The following LPP variants were observed in gnomAD, a reference collection of about 807,000 sequenced individuals.
The protein encoded by LPP is LIM domain containing preferred translocation partner in lipoma.
In LPP, 38 loss-of-function variants were observed where a neutral mutation model predicts 60.4. The ratio of observed to expected loss-of-function variants is 0.63; its 90% CI spans 0.49 to 0.83. The LOEUF (loss-of-function observed/expected upper bound fraction) is 0.83. LPP is among the 40% of genes least tolerant of loss of function. The pLI, the probability that LPP is intolerant of heterozygous loss-of-function variation, is 0.00. For synonymous variants in LPP, 328 were observed against 290.8 expected (o/e 1.13, Z -1.30); for missense variants, 902 against 783.6 (o/e 1.15, Z -1.80).
intron 4 of LPP, among the ~76,000 whole-genome samples, chr3:188,451,903 G>C (rs553941429): frequency 3.8e-4 from 58 of 152,302 alleles, no homozygotes; most frequent in African/African-American, 1.4e-3. Flanking sequence ...TTTTTATGGA[G>C]TGCTTACTAT....
chr3:188,708,756 G>A (rs975612296), intron 8 of LPP: 29 of 314,114 alleles, frequency 9.2e-5, no homozygotes, highest in African/African-American at 5.0e-4. Context: ...TACTCAGAAG[G>A]CTGAGGCTGG....
intron 7 of LPP, among the ~76,000 whole-genome samples, chr3:188,672,958 T>C (rs916182528): frequency 1.3e-5 from 2 of 150,096 alleles, no homozygotes; most frequent in African/African-American, 2.5e-5. Flanking sequence ...TTTTCTTTTA[T>C]TGTTTTTTTT....
At chr3:188,319,563 TGTA>T (rs1756326573) in intron 2 of LPP, among the ~76,000 whole-genome samples, 1 of 152,222 alleles carries the variant, frequency 6.6e-6, no homozygotes, top group Admixed American at 6.5e-5. Flanking sequence ...TATCTTGTAT[TGTA>T]GTTCATTGTT....
chr3:188,509,779 G>C (rs1300444180), intron 5 of LPP, among the ~76,000 whole-genome samples: 1 of 148,328 alleles, frequency 6.7e-6, no homozygotes, highest in Non-Finnish European at 1.5e-5. Context: ...TGCAAACTCC[G>C]CCTCCTGGGT....
At chr3:188,280,372 T>C (rs1741506146) in intron 2 of LPP, among the ~76,000 whole-genome samples, 1 of 152,162 alleles carries the variant, frequency 6.6e-6, no homozygotes, top group Admixed American at 6.5e-5. Flanking sequence ...GAAGAGGTTG[T>C]GAGAGAGCAA....
chr3:188,719,231 G>A (rs1715342942), intron 8 of LPP, among the ~76,000 whole-genome samples: 1 of 152,124 alleles, frequency 6.6e-6, no homozygotes, highest in Admixed American at 6.5e-5. Flanking sequence ...TTGGTTCCCA[G>A]GACCATTTCG....
chr3:188,470,714 G>A (rs1801638080), intron 4 of LPP, among the ~76,000 whole-genome samples: 1 of 152,104 alleles, frequency 6.6e-6, no homozygotes. Flanking sequence ...GAATAGCTTG[G>A]GCTCAGATAG....
At chr3:188,509,376 C>T (rs145783876) in intron 5 of LPP, among the ~76,000 whole-genome samples, 16 of 152,256 alleles carry the variant, frequency 1.1e-4, no homozygotes, top group South Asian at 8.3e-4. Flanking sequence ...TAAGAGTATA[C>T]GACTTGGTCA....
chr3:188,574,941 C>G (rs1043618639), intron 6 of LPP, among the ~76,000 whole-genome samples: 1 of 151,614 alleles, frequency 6.6e-6, no homozygotes, highest in African/African-American at 2.4e-5. Context: ...ATCACTGTTA[C>G]GTTTGCGGCA....
At chr3:188,525,151 G>A (rs1438265449) in intron 6 of LPP, among the ~76,000 whole-genome samples, 1 of 151,856 alleles carries the variant, frequency 6.6e-6, no homozygotes, top group Non-Finnish European at 1.5e-5. Context: ...ATTTTTAGTA[G>A]AGACCGGGTT....
intron 5 of LPP, among the ~76,000 whole-genome samples, chr3:188,497,804 A>G (rs898637899): frequency 2.0e-5 from 3 of 152,114 alleles, no homozygotes; most frequent in African/African-American, 7.2e-5. Context: ...GATTGTTTTC[A>G]TTTCCTTTTA....
chr3:188,331,151 G>GT (rs1447580396), intron 2 of LPP, among the ~76,000 whole-genome samples: 2 of 152,142 alleles, frequency 1.3e-5, no homozygotes, highest in African/African-American at 4.8e-5. Flanking sequence ...CATGCTTGGT[G>GT]TATCATAGGA....
chr3:188,221,773 G>T (rs1210288323), intron 1 of LPP, among the ~76,000 whole-genome samples: 1 of 152,206 alleles, frequency 6.6e-6, no homozygotes, highest in African/African-American at 2.4e-5. Flanking sequence ...TGCTGTTAAT[G>T]TGAACTTTTA....
intron 6 of LPP, among the ~76,000 whole-genome samples, chr3:188,590,130 A>G (rs1838346464): frequency 6.6e-6 from 1 of 152,202 alleles, no homozygotes; most frequent in African/African-American, 2.4e-5. Context: ...AAAAAGTTGA[A>G]GCAGATAAAA....
At chr3:188,750,491 G>A (rs549746090) in intron 8 of LPP, among the ~76,000 whole-genome samples, 1 of 152,228 alleles carries the variant, frequency 6.6e-6, no homozygotes, top group East Asian at 1.9e-4. Flanking sequence ...AAATTAGCCA[G>A]CCATGGTGGC....
intron 9 of LPP, among the ~76,000 whole-genome samples, chr3:188,841,426 T>G (rs1389745313): frequency 1.4e-5 from 2 of 141,258 alleles, no homozygotes; most frequent in Admixed American, 7.7e-5. Flanking sequence ...GGAGTCACGC[T>G]CTGTCACCAA....
At chr3:188,773,717 T>C (rs1307308181) in intron 9 of LPP, among the ~76,000 whole-genome samples, 4 of 152,246 alleles carry the variant, frequency 2.6e-5, no homozygotes, top group Non-Finnish European at 5.9e-5. Flanking sequence ...TCTATAATTT[T>C]ATGCTAGTTT....
chr3:188,608,689 T>C (rs1842986979), intron 6 of LPP, among the ~76,000 whole-genome samples: 2 of 152,216 alleles, frequency 1.3e-5, no homozygotes, highest in South Asian at 2.1e-4. Context: ...AGAATTGTTT[T>C]TTCTATGTAT....
intron 9 of LPP, among the ~76,000 whole-genome samples, chr3:188,786,631 A>G (rs1742022078): frequency 6.6e-6 from 1 of 152,140 alleles, no homozygotes. Flanking sequence ...AACAAATCAA[A>G]TATTTGTTCA....
Sources: allele counts gnomAD v4.1 joint callset (sites outside exome capture counted in the v4.1 genomes callset), GRCh38; gene constraint gnomAD v4.1.1; transcripts MANE v1.5; gene names NCBI Gene and HGNC (gene_info 2026-07-23, HGNC 2026-07-21).